The following DLGAP2 variants were observed in gnomAD, a reference collection of about 807,000 sequenced individuals.
The protein encoded by DLGAP2 is DLG associated protein 2.
Under a neutral mutation model 100.3 loss-of-function variants are expected in DLGAP2, and 26 were observed. The ratio of observed to expected loss-of-function variants is 0.26; its 90% confidence interval spans 0.19 to 0.36. DLGAP2 has a LOEUF of 0.36. DLGAP2 is among the 10% of genes least tolerant of loss of function. The pLI is 1.00. For synonymous variants in DLGAP2, 886 were observed against 630.1 expected, an observed-to-expected ratio of 1.41 and a Z score of -6.08; for missense variants, 1,858 against 1,453.2, an observed-to-expected ratio of 1.28 and a Z score of -4.53.
In DLGAP2 at chr8:1,243,144, T is replaced by C. The variant is rs77339411; in HGVS notation, c.74-15707T>C. 5.7e-3 allele frequency among the ~76,000 whole-genome samples: 869 copies of C among 152,256 alleles called. 9 individuals carry two copies. The highest frequency in any genetic ancestry group is 0.02 in the African/African-American group (815 of 41,546). On this transcript the variant is annotated intron_variant, in intron 2 of 14. Transcript: ENST00000637795. ...GTGGGCGGTTACCCTGAGCACTGCATGGGAAAGGCAGGGCGTGCTCATGGA... is the reference window on the plus strand; with the variant it reads ...GTGGGCGGTTACCCTGAGCACTGCACGGGAAAGGCAGGGCGTGCTCATGGA...
chr8:1,357,214 G>C (rs985744406), intron 3 of DLGAP2, among the ~76,000 whole-genome samples: 2 of 152,076 alleles, frequency 1.3e-5, no homozygotes, highest in African/African-American at 4.8e-5. Flanking sequence ...AGGTGGCCTT[G>C]GTGCAGACAC....
chr8:1,454,979 C>T (rs1798265271), intron 3 of DLGAP2, among the ~76,000 whole-genome samples: 1 of 152,126 alleles, frequency 6.6e-6, no homozygotes, highest in Non-Finnish European at 1.5e-5. Flanking sequence ...ACACATTCAC[C>T]CATGGTAAGG....
chr8:961,925 C>T (rs959096205), intron 2 of DLGAP2, among the ~76,000 whole-genome samples: 1 of 152,198 alleles, frequency 6.6e-6, no homozygotes, highest in Non-Finnish European at 1.5e-5. Context: ...GCTTTGCTGG[C>T]AAGGCCGATC....
At chr8:1,423,838 C>T (rs191198782) in intron 3 of DLGAP2, among the ~76,000 whole-genome samples, 1 of 152,194 alleles carries the variant, frequency 6.6e-6, no homozygotes. Flanking sequence ...GTTAATCCCT[C>T]TTTCAAATGA....
chr8:1,314,222 T>C (rs914791493), intron 3 of DLGAP2, among the ~76,000 whole-genome samples: 1 of 152,224 alleles, frequency 6.6e-6, no homozygotes, highest in Non-Finnish European at 1.5e-5. Context: ...GTTTCAGTTA[T>C]CCGTTTTAAT....
At chr8:1,175,863 C>G (rs190470128) in intron 2 of DLGAP2, among the ~76,000 whole-genome samples, 10 of 152,318 alleles carry the variant, frequency 6.6e-5, no homozygotes, top group African/African-American at 2.2e-4. Flanking sequence ...TAGATTAAAA[C>G]CCTGTGCCCG....
At chr8:819,756 A>G (rs929680314) in intron 1 of DLGAP2, among the ~76,000 whole-genome samples, 2 of 152,220 alleles carry the variant, frequency 1.3e-5, no homozygotes, top group Non-Finnish European at 2.9e-5. Flanking sequence ...AGGAAAAACA[A>G]TGAAACACCT....
intron 2 of DLGAP2, among the ~76,000 whole-genome samples, chr8:1,188,024 A>T (rs181584161): frequency 8.3e-6 from 1 of 120,638 alleles, no homozygotes; most frequent in Non-Finnish European, 1.6e-5. Context: ...CACGCCCGGG[A>T]CTTCCGTGAT....
At chr8:909,255 A>C (rs1056976861) in intron 2 of DLGAP2, among the ~76,000 whole-genome samples, 1 of 152,232 alleles carries the variant, frequency 6.6e-6, no homozygotes, top group East Asian at 1.9e-4. Flanking sequence ...GTAAAAATGT[A>C]TGAAAAAGTC....
At chr8:788,669 G>T (rs1340453433) in intron 1 of DLGAP2, among the ~76,000 whole-genome samples, 1 of 152,266 alleles carries the variant, frequency 6.6e-6, no homozygotes, top group Non-Finnish European at 1.5e-5. Context: ...AGAGCGGGCA[G>T]AAGTCAGTGC....
intron 3 of DLGAP2, among the ~76,000 whole-genome samples, chr8:1,291,212 A>C (rs553112701): frequency 2.0e-5 from 3 of 152,178 alleles, no homozygotes; most frequent in Non-Finnish European, 4.4e-5. Context: ...CTCCAGTTAA[A>C]AGTTACAGAT....
At chr8:1,065,218 A>C (rs1039547356) in intron 2 of DLGAP2, among the ~76,000 whole-genome samples, 1 of 152,190 alleles carries the variant, frequency 6.6e-6, no homozygotes, top group Non-Finnish European at 1.5e-5. Context: ...CTGACTCAGT[A>C]AGGTCTTTTT....
At chr8:1,136,137 T>G (rs1397700138) in intron 2 of DLGAP2, among the ~76,000 whole-genome samples, 1 of 152,010 alleles carries the variant, frequency 6.6e-6, no homozygotes, top group Non-Finnish European at 1.5e-5. Flanking sequence ...AGCTGCCAGG[T>G]AGAAGTAGTG....
At chr8:926,955 T>G (rs1584895315) in intron 2 of DLGAP2, 5 of 888,474 alleles carry the variant, frequency 5.6e-6, no homozygotes, top group Admixed American at 1.3e-4. Flanking sequence ...GCTGTGGGGG[T>G]GGGGACAGCG....
intron 3 of DLGAP2, among the ~76,000 whole-genome samples, chr8:1,372,908 A>G (rs1802280391): frequency 1.2e-4 from 18 of 152,132 alleles, no homozygotes. Context: ...CAGTCTAAAG[A>G]TCCGTACGGG....
intron 13 of DLGAP2, among the ~76,000 whole-genome samples, chr8:1,695,625 A>T (rs926841056): frequency 1.3e-5 from 2 of 151,150 alleles, no homozygotes; most frequent in African/African-American, 2.4e-5. Flanking sequence ...GGGCACAGCC[A>T]TGCCCGGCAC....
intron 2 of DLGAP2, among the ~76,000 whole-genome samples, chr8:958,556 A>C (rs1799647986): frequency 1.5e-5 from 2 of 136,674 alleles, no homozygotes; most frequent in East Asian, 2.4e-4. Context: ...TAATGCCATT[A>C]GTTATTGGAA....
rs540100960 is a variant in DLGAP2, at chr8:1,626,799, C to A, written c.1502C>A (p.Ala501Glu). 7 of 1,603,614 alleles carry A rather than the reference C, an allele frequency of 4.4e-6. No homozygotes were observed. The highest frequency in any genetic ancestry group is 5.1e-6 in the Non-Finnish European group (6 of 1,175,518). The stretch of plus-strand genomic sequence containing the variant: ...GTGGGACACAGCCTGGACCCCGCTG[C>A]GAACTACAACTCCCCGAAATTCCGC... Reference protein sequence around the residue: ...VPVGHSLDPAANYNSPKFRSR... With the variant: ...VPVGHSLDPAENYNSPKFRSR... Residue 501 changes from alanine to glutamate, a missense_variant, in exon 7 of 15, where the codon GCG (alanine) becomes GAG (glutamate). Physicochemically the swap from Ala to Glu is moderately radical, Grantham distance 107 (BLOSUM62 -1). Coordinates refer to ENST00000637795, the MANE Select transcript of DLGAP2 (RefSeq NM_001346810.2).
intron 3 of DLGAP2, among the ~76,000 whole-genome samples, chr8:1,259,341 A>C (rs1328937352): frequency 6.6e-6 from 1 of 152,160 alleles, no homozygotes; most frequent in East Asian, 1.9e-4. Context: ...TTGCTTATTT[A>C]ACTTTCTACG....
Sources: allele counts gnomAD v4.1 joint callset (sites outside exome capture counted in the v4.1 genomes callset), GRCh38; gene constraint gnomAD v4.1.1; transcripts MANE v1.5; gene names NCBI Gene and HGNC (gene_info 2026-07-23, HGNC 2026-07-21).